PTPRM: variants seen among roughly 807,000 people sequenced by gnomAD.
The protein encoded by PTPRM is protein tyrosine phosphatase receptor type M.
In PTPRM, 47 loss-of-function variants were observed where a neutral mutation model predicts 186.7. That is an observed-to-expected ratio of 0.25 (90% CI 0.20 to 0.32). The LOEUF is 0.32. Ranked by LOEUF, PTPRM falls within the 10% of genes least tolerant of loss-of-function variation. The probability of loss-of-function intolerance (pLI) is 1.00; values close to 1 mark genes in which losing one functional copy is unlikely to be tolerated. For synonymous variants in PTPRM, 668 were observed against 674.9 expected (o/e 0.99, Z 0.16); for missense variants, 1,494 against 1,865.0 (o/e 0.80, Z 3.66).
At chr18:7,925,086 G>C (rs556722773) in intron 4 of PTPRM, among the ~76,000 whole-genome samples, 1 of 152,234 alleles carries the variant, frequency 6.6e-6, no homozygotes, top group Non-Finnish European at 1.5e-5. Flanking sequence ...AGGTTACCTT[G>C]TTCCATTTTC....
chr18:7,991,219 G>A (rs955610131), intron 7 of PTPRM, among the ~76,000 whole-genome samples: 1 of 152,132 alleles, frequency 6.6e-6, no homozygotes, highest in Non-Finnish European at 1.5e-5. Flanking sequence ...CATGATTTAT[G>A]TTGATAACTG....
chr18:8,088,871 G>A lies in PTPRM; in HGVS notation c.1856+20G>A. On this transcript the variant is annotated intron_variant, in intron 11 of 32. Coordinates refer to ENST00000580170, the MANE Select transcript of PTPRM (RefSeq NM_001105244.2). ...TGTCAGGTATGGAACAGAGGGTTGGGCCGGCTCTAGATAGAAGAAAACTAA... is the reference window on the plus strand; with the variant it reads ...TGTCAGGTATGGAACAGAGGGTTGGACCGGCTCTAGATAGAAGAAAACTAA... The A allele has an allele frequency of 1.9e-6, 3 of 1,552,576 alleles. No homozygotes were observed. The highest frequency in any genetic ancestry group is 2.7e-6 in the Non-Finnish European group (3 of 1,124,968).
chr18:8,092,686 G>T (rs1044475039), intron 11 of PTPRM, among the ~76,000 whole-genome samples: 1 of 152,094 alleles, frequency 6.6e-6, no homozygotes, highest in Admixed American at 6.6e-5. Context: ...GCCAGAGAGA[G>T]ATTATTATTG....
At chr18:7,761,317 A>T (rs766964870) in intron 1 of PTPRM, among the ~76,000 whole-genome samples, 3 of 152,194 alleles carry the variant, frequency 2.0e-5, no homozygotes, top group African/African-American at 4.8e-5. Context: ...ATATGTATTA[A>T]CTACTTGTAT....
intron 1 of PTPRM, among the ~76,000 whole-genome samples, chr18:7,707,488 A>T (rs947917354): frequency 2.0e-5 from 3 of 148,658 alleles, no homozygotes; most frequent in Non-Finnish European, 4.4e-5. Context: ...ATAATAATAA[A>T]ATTAGCTGCG....
intron 14 of PTPRM, among the ~76,000 whole-genome samples, chr18:8,192,707 A>G (rs1410747485): frequency 6.6e-6 from 1 of 152,234 alleles, no homozygotes; most frequent in African/African-American, 2.4e-5. Context: ...AGATTAGAGA[A>G]TGACTATTTT....
intron 7 of PTPRM, among the ~76,000 whole-genome samples, chr18:8,037,665 T>G (rs2086418875): frequency 6.6e-6 from 1 of 152,194 alleles, no homozygotes; most frequent in South Asian, 2.1e-4. Context: ...CTGATTATTT[T>G]TTTTTCTCAG....
At chr18:8,017,305 G>A (rs1051955152) in intron 7 of PTPRM, among the ~76,000 whole-genome samples, 1 of 152,092 alleles carries the variant, frequency 6.6e-6, no homozygotes, top group African/African-American at 2.4e-5. Context: ...TTGGGAGACT[G>A]AGGCAGGCGG....
At chr18:7,792,757 C>A (rs1315498675) in intron 2 of PTPRM, among the ~76,000 whole-genome samples, 1 of 152,024 alleles carries the variant, frequency 6.6e-6, no homozygotes, top group Non-Finnish European at 1.5e-5. Context: ...CTTCACCTCC[C>A]CAGGCTTTGG....
At chr18:8,143,549 C>A in intron 13 of PTPRM, 98 bp from the exon 14 acceptor site, 1 of 1,303,548 alleles carries the variant, frequency 7.7e-7, no homozygotes, top group Non-Finnish European at 1.1e-6. Context: ...TCTGATAAGT[C>A]TTATTACTCT....
chr18:8,186,203 G>A (rs2093639443), intron 14 of PTPRM, among the ~76,000 whole-genome samples: 1 of 151,786 alleles, frequency 6.6e-6, no homozygotes, highest in African/African-American at 2.4e-5. Flanking sequence ...GCGGGCACCT[G>A]TAGTCCCAGC....
intron 9 of PTPRM, among the ~76,000 whole-genome samples, chr18:8,081,746 A>C (rs1052080764): frequency 1.3e-5 from 2 of 152,140 alleles, no homozygotes; most frequent in African/African-American, 2.4e-5. Flanking sequence ...GATGGGTCTG[A>C]GATGGGGAAA....
intron 2 of PTPRM, among the ~76,000 whole-genome samples, chr18:7,800,709 G>C (rs2043913230): frequency 6.6e-6 from 1 of 152,160 alleles, no homozygotes; most frequent in Non-Finnish European, 1.5e-5. Flanking sequence ...GAAATGCATT[G>C]TTCAGGCAGT....
chr18:7,718,441 C>A (rs765076316), intron 1 of PTPRM, among the ~76,000 whole-genome samples: 4 of 152,146 alleles, frequency 2.6e-5, no homozygotes, highest in Admixed American at 6.6e-5. Context: ...AAATCTAAGA[C>A]CTGAAACCAT....
At chr18:7,824,671 T>C (rs2045390417) in intron 2 of PTPRM, among the ~76,000 whole-genome samples, 1 of 152,228 alleles carries the variant, frequency 6.6e-6, no homozygotes, top group Non-Finnish European at 1.5e-5. Flanking sequence ...TTACTAAGAT[T>C]AAAAGCTTTG....
At chr18:8,007,929 C>G (rs1007739742) in intron 7 of PTPRM, among the ~76,000 whole-genome samples, 5 of 152,150 alleles carry the variant, frequency 3.3e-5, no homozygotes, top group African/African-American at 1.2e-4. Context: ...TTGAGTTCCC[C>G]TTGGTAAGTG....
chr18:7,926,212 T>G (rs937776003), intron 4 of PTPRM, among the ~76,000 whole-genome samples: 1 of 152,228 alleles, frequency 6.6e-6, no homozygotes, highest in Non-Finnish European at 1.5e-5. Context: ...CTAATATGTT[T>G]TTGTTCAAAA....
intron 1 of PTPRM, among the ~76,000 whole-genome samples, chr18:7,694,468 C>T (rs1392980460): frequency 6.6e-6 from 1 of 151,220 alleles, no homozygotes; most frequent in African/African-American, 2.4e-5. Flanking sequence ...GCTCTGTTGC[C>T]CAGGCTGGAC....
At chr18:8,306,072 T>C (rs1348958170) in intron 20 of PTPRM, among the ~76,000 whole-genome samples, 1 of 152,064 alleles carries the variant, frequency 6.6e-6, no homozygotes, top group Non-Finnish European at 1.5e-5. Flanking sequence ...TAATTTTGTA[T>C]TTTTGGTAGA....
Sources: gnomAD v4.1 joint callset for allele counts (sites outside exome capture counted in the v4.1 genomes callset) on GRCh38, gnomAD v4.1.1 for gene constraint, MANE v1.5 for transcripts, NCBI Gene and HGNC (gene_info 2026-07-23, HGNC 2026-07-21) for gene names.